The following BRINP3 variants were observed in gnomAD, a reference collection of about 807,000 sequenced individuals.
BRINP3 encodes BMP/retinoic acid inducible neural specific 3, also known as BMP/retinoic acid-inducible neural-specific protein 3.
Under a neutral mutation model 71.0 loss-of-function variants are expected in BRINP3, and 19 were observed. The ratio of observed to expected loss-of-function variants is 0.27; its 90% CI spans 0.19 to 0.39. The LOEUF (loss-of-function observed/expected upper bound fraction) is 0.39. BRINP3 is among the 10% of genes least tolerant of loss of function. The pLI, the probability that BRINP3 is intolerant of heterozygous loss-of-function variation, is 1.00. For missense variants in BRINP3, 959 were observed against 940.8 expected (o/e 1.02, Z -0.25); for synonymous variants, 380 against 337.7 (o/e 1.13, Z -1.37).
intron 2 of BRINP3, among the ~76,000 whole-genome samples, chr1:190,312,350 G>C (rs1161036240): frequency 6.6e-6 from 1 of 151,166 alleles, no homozygotes; most frequent in Non-Finnish European, 1.5e-5. Context: ...AAAGCATCAA[G>C]AAAAGTCAAA....
At chr1:190,289,139 A>G (rs947665776) in intron 2 of BRINP3, among the ~76,000 whole-genome samples, 2 of 151,924 alleles carry the variant, frequency 1.3e-5, no homozygotes, top group African/African-American at 4.8e-5. Context: ...AGAAGGCAAA[A>G]TGAAGGATTT....
At chr1:190,304,851 G>T (rs1664985426) in intron 2 of BRINP3, among the ~76,000 whole-genome samples, 1 of 151,868 alleles carries the variant, frequency 6.6e-6, no homozygotes, top group Non-Finnish European at 1.5e-5. Flanking sequence ...GAAAATATCT[G>T]CAAACCATCC....
intron 2 of BRINP3, among the ~76,000 whole-genome samples, chr1:190,386,177 A>T (rs1056927311): frequency 6.7e-6 from 1 of 150,106 alleles, no homozygotes; most frequent in African/African-American, 2.4e-5. Flanking sequence ...ACATGTATAC[A>T]TATGTAACTA....
intron 3 of BRINP3, among the ~76,000 whole-genome samples, 179 bp from the exon 4 acceptor site, chr1:190,265,234 T>C (rs1267427001): frequency 7.9e-5 from 12 of 152,084 alleles, no homozygotes; most frequent in Non-Finnish European, 1.6e-4. Context: ...AAAAAGTGCC[T>C]GGGATATTGG....
chr1:190,263,547 T>C (rs1260638497), intron 4 of BRINP3, among the ~76,000 whole-genome samples: 1 of 151,606 alleles, frequency 6.6e-6, no homozygotes, highest in Non-Finnish European at 1.5e-5. Context: ...CCGAGCATTC[T>C]AACCCATTTA....
At chr1:190,124,156 T>C (rs1653901334) in intron 7 of BRINP3, among the ~76,000 whole-genome samples, 1 of 152,134 alleles carries the variant, frequency 6.6e-6, no homozygotes, top group South Asian at 2.1e-4. Flanking sequence ...GTAAACAGAT[T>C]AATACAGTCA....
chr1:190,127,070 T>C (rs1375836639), intron 7 of BRINP3, among the ~76,000 whole-genome samples: 1 of 151,914 alleles, frequency 6.6e-6, no homozygotes, highest in East Asian at 1.9e-4. Context: ...CTCACCATTG[T>C]ACACAATATG....
intron 2 of BRINP3, among the ~76,000 whole-genome samples, chr1:190,437,556 C>T (rs1448999426): frequency 5.9e-5 from 9 of 151,784 alleles, no homozygotes; most frequent in Non-Finnish European, 3.0e-5. Context: ...ATTTTCCCTT[C>T]TCCTCTCTGC....
chr1:190,446,520 G>T (rs1326810376), intron 2 of BRINP3, among the ~76,000 whole-genome samples: 1 of 152,036 alleles, frequency 6.6e-6, no homozygotes, highest in Non-Finnish European at 1.5e-5. Context: ...AAAAGTATAA[G>T]CGATTCTTAG....
chr1:190,301,212 T>TATATATACACACATAC (rs1558160729), intron 2 of BRINP3, among the ~76,000 whole-genome samples: 11 of 68,306 alleles, frequency 1.6e-4, no homozygotes, highest in African/African-American at 5.0e-4. Context: ...TACATATATA[T>TATATATACACACATAC]ATATATATAT....
chr1:190,272,880 T>A (rs754198389), intron 3 of BRINP3, among the ~76,000 whole-genome samples: 5 of 151,474 alleles, frequency 3.3e-5, no homozygotes, highest in Non-Finnish European at 7.4e-5. Context: ...TTTTAATGAA[T>A]ATCCTGTTTA....
intron 2 of BRINP3, among the ~76,000 whole-genome samples, chr1:190,370,200 C>A (rs1354767571): frequency 6.6e-6 from 1 of 152,100 alleles, no homozygotes; most frequent in East Asian, 1.9e-4. Context: ...ATTTTGTAAG[C>A]TGGTTCTTTA....
At chr1:190,372,272 G>C (rs558706795) in intron 2 of BRINP3, among the ~76,000 whole-genome samples, 1 of 152,124 alleles carries the variant, frequency 6.6e-6, no homozygotes, top group Non-Finnish European at 1.5e-5. Flanking sequence ...AGCTCAAAGC[G>C]AGTGACCATT....
intron 6 of BRINP3, among the ~76,000 whole-genome samples, chr1:190,189,654 T>A (rs815347): frequency 0.37 from 55,984 of 151,984 alleles, 10,375 homozygotes; most frequent in Middle Eastern, 0.42. Context: ...TCACTTTTTT[T>A]AATTTTTCCC....
chr1:190,208,700 G>A (rs1655729096), intron 6 of BRINP3, among the ~76,000 whole-genome samples: 1 of 151,686 alleles, frequency 6.6e-6, no homozygotes, highest in Non-Finnish European at 1.5e-5. Context: ...TCACCATGTG[G>A]CCCAGGCTGG....
At chr1:190,468,067 C>G (rs1327510492) in intron 1 of BRINP3, among the ~76,000 whole-genome samples, 1 of 151,292 alleles carries the variant, frequency 6.6e-6, no homozygotes, top group Non-Finnish European at 1.5e-5. Context: ...TGTTACTGGA[C>G]TTATCTGAGA....
intron 2 of BRINP3, among the ~76,000 whole-genome samples, chr1:190,411,651 T>C (rs1430874256): frequency 6.6e-6 from 1 of 152,160 alleles, no homozygotes; most frequent in Non-Finnish European, 1.5e-5. Context: ...ATGGTCTATA[T>C]AACTAAGGTC....
At chr1:190,475,589 G>A (rs995264356) in intron 1 of BRINP3, among the ~76,000 whole-genome samples, 18 of 152,148 alleles carry the variant, frequency 1.2e-4, no homozygotes, top group Non-Finnish European at 1.9e-4. Flanking sequence ...GGTCAACCAG[G>A]CACCTTGCTC....
intron 2 of BRINP3, among the ~76,000 whole-genome samples, chr1:190,365,669 TAATATAATAC>T (rs1337891748): frequency 4.9e-5 from 3 of 61,426 alleles, no homozygotes; most frequent in Non-Finnish European, 1.5e-4. Context: ...ATATTATAAT[TAATATAATAC>T]AATATAATAC....
Sources: allele counts gnomAD v4.1 joint callset (sites outside exome capture counted in the v4.1 genomes callset), GRCh38; gene constraint gnomAD v4.1.1; transcripts MANE v1.5; gene names NCBI Gene and HGNC (gene_info 2026-07-23, HGNC 2026-07-21).